The following BMPER variants were observed in gnomAD, a reference collection of about 807,000 sequenced individuals.
The protein encoded by BMPER is BMP-binding endothelial regulator protein.
A neutral mutation model predicts 87.3 loss-of-function variants in BMPER; 45 were observed. The observed-to-expected ratio is 0.52, with a 90% confidence interval of 0.41 to 0.66. The LOEUF is 0.66. Among genes scored for constraint, BMPER ranks in the 30% least tolerant of loss-of-function variants. BMPER has a pLI of 0.00. For synonymous variants in BMPER, 326 were observed against 316.2 expected (o/e 1.03, Z -0.33); for missense variants, 784 against 867.5 (o/e 0.90, Z 1.21).
At chr7:33,932,937 G>T (rs1159702099) in intron 2 of BMPER, among the ~76,000 whole-genome samples, 2 of 152,124 alleles carry the variant, frequency 1.3e-5, no homozygotes, top group African/African-American at 4.8e-5. Context: ...GTACCCCTCC[G>T]CCCTACGCTC....
At chr7:34,067,215 G>A (rs1788616830) in intron 11 of BMPER, 2 of 152,148 alleles carry the variant, frequency 1.3e-5, no homozygotes, top group Non-Finnish European at 2.9e-5. Context: ...TTCCAGCTGT[G>A]TGCAGGCTGC....
At chr7:33,941,155 ATTT>A (rs1784754309) in intron 3 of BMPER, among the ~76,000 whole-genome samples, 1 of 135,224 alleles carries the variant, frequency 7.4e-6, no homozygotes, top group Non-Finnish European at 1.5e-5. Context: ...ATTACATATA[ATTT>A]ATATATTATA....
chr7:34,056,855 G>A (rs190122658), intron 9 of BMPER, among the ~76,000 whole-genome samples: 5 of 152,154 alleles, frequency 3.3e-5, no homozygotes, highest in Admixed American at 2.0e-4. Context: ...CGACCTTGTC[G>A]TCCACCCTCC....
intron 2 of BMPER, chr7:33,922,140 A>C (rs1201335267): frequency 4.3e-6 from 1 of 234,316 alleles, no homozygotes; most frequent in African/African-American, 2.3e-5. Flanking sequence ...CATCACCTTC[A>C]CAGAATTCTG....
chr7:33,951,681 A>G (rs1214950694), intron 3 of BMPER, among the ~76,000 whole-genome samples: 1 of 152,162 alleles, frequency 6.6e-6, no homozygotes, highest in Non-Finnish European at 1.5e-5. Flanking sequence ...TGCCCCCTGA[A>G]TATATGTTGG....
chr7:33,957,178 A>G (rs1265103799), intron 3 of BMPER, among the ~76,000 whole-genome samples: 2 of 151,970 alleles, frequency 1.3e-5, no homozygotes, highest in African/African-American at 4.8e-5. Flanking sequence ...TGTAAAAGGT[A>G]AAAAACTGGA....
chr7:33,977,278 A>G (rs181127958), intron 6 of BMPER, among the ~76,000 whole-genome samples: 5 of 105,936 alleles, frequency 4.7e-5, no homozygotes, highest in Non-Finnish European at 7.7e-5. Flanking sequence ...GGAGTACACT[A>G]AAAAAAAAAA....
Position 34,036,466 on chromosome 7 carries a change from T to A in BMPER, c.577-9840T>A, listed in dbSNP as rs369456853. ...GCTCAGAGGCATGGCAGGAGCTGGC[T>A]GTCAGGGCCCTTATCAGCAGGCCCC... On this transcript the variant is annotated intron_variant, in intron 6 of 14. Transcript: ENST00000649409. Among the ~76,000 whole-genome samples, 5 of 152,274 alleles carry A rather than the reference T, an allele frequency of 3.3e-5. No homozygotes were observed. In the East Asian group the frequency reaches 7.8e-4, roughly 24 times the overall value.
rs553442090 is a variant in BMPER, at chr7:34,111,175, C to T, written c.1745+25083C>T. Among the ~76,000 whole-genome samples the T allele has an allele frequency of 4.9e-4, 75 of 152,224 alleles. 2 individuals are homozygous for T. The South Asian group carries it at 0.014, about 29-fold the overall frequency. On this transcript the variant is annotated intron_variant, in intron 13 of 14. Transcript: ENST00000649409. ...CAGCTTTTTATTATTTTTTCGTAAG[C>T]GTTTATGGAATCTCCTGCTGTTTCA...
chr7:34,093,037 A>G (rs1162132651), intron 13 of BMPER, among the ~76,000 whole-genome samples: 1 of 152,230 alleles, frequency 6.6e-6, no homozygotes. Context: ...TTCTGACACC[A>G]CAAGTTTAGA....
At chr7:34,083,931 T>C (rs562889539) in intron 12 of BMPER, among the ~76,000 whole-genome samples, 1 of 152,118 alleles carries the variant, frequency 6.6e-6, no homozygotes, top group Admixed American at 6.5e-5. Context: ...GAAAGTCATT[T>C]TGCTCTTTCC....
chr7:33,939,222 A>G (rs1287642199), intron 3 of BMPER, among the ~76,000 whole-genome samples: 1 of 152,074 alleles, frequency 6.6e-6, no homozygotes, highest in Non-Finnish European at 1.5e-5. Flanking sequence ...CTTATGCTGT[A>G]GTGTGTAGCC....
chr7:33,967,865 ACAGT>A (rs1451289012), intron 4 of BMPER, among the ~76,000 whole-genome samples: 2 of 152,228 alleles, frequency 1.3e-5, no homozygotes, highest in Non-Finnish European at 2.9e-5. Flanking sequence ...TTCCTATGTA[ACAGT>A]CAGAGGTTTT....
chr7:34,074,250 C>T (rs1788806601), intron 11 of BMPER, among the ~76,000 whole-genome samples: 2 of 152,204 alleles, frequency 1.3e-5, no homozygotes, highest in African/African-American at 4.8e-5. Flanking sequence ...CCACCCCCAC[C>T]CCCATACATG....
chr7:34,138,664 T>C (rs1790785745), intron 13 of BMPER, among the ~76,000 whole-genome samples: 1 of 152,204 alleles, frequency 6.6e-6, no homozygotes, highest in Non-Finnish European at 1.5e-5. Flanking sequence ...TTAAGGGGAT[T>C]GCAGGGGCCT....
rs935965566 is a variant in BMPER, at chr7:34,142,967, G to T, written c.1746-263G>T. ...ATGGAGAGTGGCTTTGCACAGTGGA[G>T]ATGTTAGAACATGTCTATCCTTACA... is the stretch of plus-strand genomic sequence containing the variant. On this transcript the variant is annotated intron_variant, in intron 13 of 14. Transcript: ENST00000649409. Among the ~76,000 whole-genome samples, 10 of 152,230 alleles carry T rather than the reference G, an allele frequency of 6.6e-5. 1 individual carries two copies.
At chr7:34,129,893 G>C (rs748716726) in intron 13 of BMPER, among the ~76,000 whole-genome samples, 1 of 152,186 alleles carries the variant, frequency 6.6e-6, no homozygotes, top group Non-Finnish European at 1.5e-5. Context: ...TTAGCACCTT[G>C]GTCTTCCTTC....
chr7:34,140,171 A>G (rs1223658684), intron 13 of BMPER, among the ~76,000 whole-genome samples: 1 of 152,222 alleles, frequency 6.6e-6, no homozygotes, highest in African/African-American at 2.4e-5. Flanking sequence ...TATCTATTAA[A>G]TGGAGCAGTG....
chr7:34,057,180 C>T lies in BMPER; in HGVS notation c.928-879C>T, dbSNP rs940688208. The stretch of plus-strand genomic sequence containing the variant: ...TGTTTCTGTTTTTAACAAAAATCTG[C>T]TGCTTGGATCTGCAAGCTCAGGAAG... On this transcript the variant is annotated intron_variant, in intron 9 of 14. Coordinates refer to ENST00000649409, the MANE Select transcript of BMPER (RefSeq NM_001365308.1). Among the ~76,000 whole-genome samples, 6 of 152,290 alleles carry T rather than the reference C, an allele frequency of 3.9e-5. No homozygotes were observed. The South Asian group carries it at 8.3e-4, about 21-fold the overall frequency.
Sources: gnomAD v4.1 joint callset for allele counts (sites outside exome capture counted in the v4.1 genomes callset) on GRCh38, gnomAD v4.1.1 for gene constraint, MANE v1.5 for transcripts, NCBI Gene and HGNC (gene_info 2026-07-23, HGNC 2026-07-21) for gene names.